The following COL5A1 variants were observed in gnomAD, a reference collection of about 807,000 sequenced individuals.
The protein encoded by COL5A1 is collagen type V alpha 1 chain, also known as collagen alpha-1(V) chain.
Under a neutral mutation model 263.7 loss-of-function variants are expected in COL5A1, and 16 were observed. The ratio of observed to expected loss-of-function variants is 0.06; its 90% confidence interval spans 0.04 to 0.09. The LOEUF (loss-of-function observed/expected upper bound fraction) is 0.09. Ranked by LOEUF, COL5A1 falls within the 10% of genes least tolerant of loss-of-function variation. The pLI, the probability that COL5A1 is intolerant of heterozygous loss-of-function variation, is 1.00. For missense variants in COL5A1, 2,036 were observed against 2,540.5 expected (o/e 0.80, Z 4.27); for synonymous variants, 1,012 against 1,004.5 (o/e 1.01, Z -0.14).
In COL5A1 at chr9:134,642,072, C is replaced by A; in HGVS notation, c.-116C>A. ...ACGGGGGGTGCCGAGGTCCCCATGA[C>A]CTCCTAAAGTGGTGCGGTCCCTGCT... On this transcript the variant is annotated 5_prime_UTR_variant, in exon 1 of 66. Transcript: ENST00000371817. The surrounding 1 kb of genome is among the most constrained non-coding windows in gnomAD (Gnocchi z 4.5). 1.1e-6 allele frequency: 1 copy of A among 899,878 alleles called. No homozygotes were observed. Among genetic ancestry groups the A allele is most frequent in the Non-Finnish European group, 1.5e-6 (1 of 685,504 alleles). 55.7% of individuals were successfully genotyped at this position (899,878 alleles called of 1,614,324 possible). A position where few individuals can be genotyped will look rare whatever the true frequency, so the allele number is the denominator to read the frequency against.
chr9:134,655,014 A>G (rs1328859028), intron 1 of COL5A1, among the ~76,000 whole-genome samples: 13 of 21,476 alleles, frequency 6.1e-4, no homozygotes, highest in East Asian at 1.5e-3. Flanking sequence ...GGGTGTGTAG[A>G]GCTGGTGTGT....
intron 18 of COL5A1, among the ~76,000 whole-genome samples, chr9:134,759,849 CCCACACCCCCACACT>C (rs1177847248): frequency 1.3e-4 from 11 of 85,222 alleles, no homozygotes; most frequent in East Asian, 7.0e-4. Context: ...CACGCACACC[CCCACACCCCCACACT>C]CACACATGCA....
chr9:134,823,976 A>G (rs945346416), intron 61 of COL5A1, among the ~76,000 whole-genome samples: 15 of 151,868 alleles, frequency 9.9e-5, no homozygotes, highest in African/African-American at 3.6e-4. Flanking sequence ...GTGTGTGTGC[A>G]TATGTATATG....
At chr9:134,651,314 A>G (rs1054879719) in intron 1 of COL5A1, among the ~76,000 whole-genome samples, 8 of 152,142 alleles carry the variant, frequency 5.3e-5, no homozygotes, top group African/African-American at 1.9e-4. Flanking sequence ...TTGACCCAAC[A>G]ATACCATTAC....
At chr9:134,744,252 G>A (rs1206985840) in intron 11 of COL5A1, among the ~76,000 whole-genome samples, 2 of 152,142 alleles carry the variant, frequency 1.3e-5, no homozygotes, top group African/African-American at 4.8e-5. Flanking sequence ...GCTGCTCAGA[G>A]AGGTTCACAC....
At chr9:134,839,215 G>A (rs1839942852) in intron 65 of COL5A1, among the ~76,000 whole-genome samples, 1 of 152,224 alleles carries the variant, frequency 6.6e-6, no homozygotes, top group African/African-American at 2.4e-5. Flanking sequence ...CCTGCAAGAG[G>A]GCCCAGGCAC....
chr9:134,754,315 C>T lies in COL5A1; in HGVS notation c.1816C>T (p.Pro606Ser), dbSNP rs1588506358. 3 of 1,614,050 alleles carry T rather than the reference C, an allele frequency of 1.9e-6. No homozygotes were observed. The highest frequency in any genetic ancestry group is 2.2e-5 in the East Asian group (1 of 44,864). ...VQGPPGPAGK[P>S]GRRGRAGSDG... ...AGGCCCGCCTGGTCCGGCCGGGAAG[C>T]CCGGAAGACGGGTGAGTGGTGCGAG... The change falls in exon 16 of 66, where the codon CCC becomes TCC. Residue 606 changes from proline (P) to serine (S), a missense_variant. By Grantham distance (74) the Pro-to-Ser change is moderately conservative. Coordinates refer to ENST00000371817, the MANE Select transcript of COL5A1 (RefSeq NM_000093.5). This position sits in a 1 kb window ranked among gnomAD's most constrained non-coding sequence, Gnocchi z 4.3.
At chr9:134,699,262 T>G (rs1051950128) in intron 2 of COL5A1, among the ~76,000 whole-genome samples, 2 of 152,240 alleles carry the variant, frequency 1.3e-5, no homozygotes, top group Non-Finnish European at 1.5e-5. Context: ...TGGCATGTGT[T>G]GTAAGAGGTA....
At chr9:134,777,750 G>A (rs900697454) in intron 27 of COL5A1, among the ~76,000 whole-genome samples, 24 of 152,352 alleles carry the variant, frequency 1.6e-4, no homozygotes, top group Non-Finnish European at 8.8e-5. Context: ...CCAGAGGGAG[G>A]AGAGCTGGTG....
At chr9:134,701,520 G>A (rs567997078) in intron 4 of COL5A1, among the ~76,000 whole-genome samples, 187 bp downstream of exon 4, 1 of 152,362 alleles carries the variant, frequency 6.6e-6, no homozygotes, top group African/African-American at 2.4e-5. Flanking sequence ...GAAATGGAGG[G>A]GCCAGAGCTG....
intron 18 of COL5A1, among the ~76,000 whole-genome samples, chr9:134,759,608 C>T: frequency 7.4e-6 from 1 of 135,136 alleles, no homozygotes; most frequent in Non-Finnish European, 1.6e-5. Context: ...CCCCACACCC[C>T]CACACACATA....
chr9:134,818,625 G>C lies in COL5A1; in HGVS notation c.4231-31G>C. 6.5e-7 allele frequency: 1 copy of C among 1,549,532 alleles called. No homozygotes were observed. Among genetic ancestry groups the C allele is most frequent in the Non-Finnish European group, 8.8e-7 (1 of 1,131,062 alleles). ...CAGGGTGCCTGGAGCCTAGAGCTCCGGACCTCATTCTGCCCTCCGCCGTCC... is the reference window on the plus strand; with the variant it reads ...CAGGGTGCCTGGAGCCTAGAGCTCCCGACCTCATTCTGCCCTCCGCCGTCC... On this transcript the variant is annotated intron_variant, in intron 54 of 65. Coordinates refer to ENST00000371817, the MANE Select transcript of COL5A1 (RefSeq NM_000093.5). The surrounding 1 kb of genome is among the most constrained non-coding windows in gnomAD (Gnocchi z 6.0).
chr9:134,820,051 C>A, intron 57 of COL5A1, 65 bp from the exon 58 acceptor site: 1 of 1,209,582 alleles, frequency 8.3e-7, no homozygotes, highest in Non-Finnish European at 1.2e-6. Flanking sequence ...GCTAACTGGC[C>A]CACCGTGGCC....
chr9:134,670,681 A>G (rs1832513324), intron 1 of COL5A1, among the ~76,000 whole-genome samples: 1 of 152,144 alleles, frequency 6.6e-6, no homozygotes, highest in Non-Finnish European at 1.5e-5. Context: ...GTGGAAACTC[A>G]CATGCATGTA....
intron 1 of COL5A1, among the ~76,000 whole-genome samples, chr9:134,667,772 A>G (rs1832404650): frequency 6.6e-6 from 1 of 152,186 alleles, no homozygotes; most frequent in South Asian, 2.1e-4. Context: ...GGGGGTGACA[A>G]GTGCCTGACT....
Position 134,750,816 on chromosome 9 carries a change from G to T in COL5A1, c.1596G>T (p.Ala532=). 1.2e-6 allele frequency: 2 copies of T among 1,613,234 alleles called. No individual in the cohort carries two copies. The highest frequency in any genetic ancestry group is 1.7e-6 in the Non-Finnish European group (2 of 1,180,016). ...TCCGGTTTGGAGGTGGCGGCGATGCGGGCTCCAAAGGCCCCATGGTCTCAG... is the reference window on the plus strand; with the variant it reads ...TCCGGTTTGGAGGTGGCGGCGATGCTGGCTCCAAAGGCCCCATGGTCTCAG... ...LPFRFGGGGD[A]GSKGPMVSAQ... is the part of the protein sequence containing the mutation. The change falls in exon 13 of 66, where the codon GCG becomes GCT. Residue 532 remains alanine (A), a synonymous_variant. Transcript: ENST00000371817.
intron 1 of COL5A1, among the ~76,000 whole-genome samples, chr9:134,665,436 C>T (rs896469653): frequency 1.3e-5 from 2 of 152,162 alleles, no homozygotes; most frequent in Non-Finnish European, 2.9e-5. Flanking sequence ...TAAAGCAAAG[C>T]AGAATGAAGA....
chr9:134,733,667 TG>T lies in COL5A1; in HGVS notation c.1389+1545del, dbSNP rs1482073066. Among the ~76,000 whole-genome samples the T allele has an allele frequency of 2.6e-5, 4 of 152,242 alleles. No individual in the cohort carries two copies. In the East Asian group the frequency reaches 7.8e-4, roughly 30 times the overall value. The stretch of plus-strand genomic sequence containing the variant: ...CTGGGCTCAGGGACCAGAGCAGCTG[TG>T]GGGGAGAGTGACTGCCGTCCGCCTG... On this transcript the variant is annotated intron_variant, in intron 9 of 65. Coordinates refer to ENST00000371817, the MANE Select transcript of COL5A1 (RefSeq NM_000093.5).
intron 64 of COL5A1, among the ~76,000 whole-genome samples, chr9:134,831,792 T>C (rs1839640005): frequency 6.6e-6 from 1 of 152,220 alleles, no homozygotes; most frequent in African/African-American, 2.4e-5. Flanking sequence ...ATTTGCAGCC[T>C]TCAGCCCGAG....
Sources: gnomAD v4.1 joint callset for allele counts (sites outside exome capture counted in the v4.1 genomes callset) on GRCh38, gnomAD v4.1.1 for gene constraint, Gnocchi (gnomAD v3.1) non-coding constraint, MANE v1.5 for transcripts, NCBI Gene and HGNC (gene_info 2026-07-23, HGNC 2026-07-21) for gene names.